Variants in ZNF438 observed in about 807,000 individuals in gnomAD.
ZNF438 encodes zinc finger protein 438.
Under a neutral mutation model 38.0 loss-of-function variants are expected in ZNF438, and 25 were observed. The ratio of observed to expected loss-of-function variants is 0.66; its 90% CI spans 0.48 to 0.92. ZNF438 has a LOEUF of 0.92. ZNF438 is among the 40% of genes least tolerant of loss of function. The pLI, the probability that ZNF438 is intolerant of heterozygous loss-of-function variation, is 0.00. For missense variants in ZNF438, 1,007 were observed against 999.6 expected (o/e 1.01, Z -0.10); for synonymous variants, 372 against 364.1 (o/e 1.02, Z -0.25).
chr10:30,884,715 C>T (rs2039721747), intron 3 of ZNF438, among the ~76,000 whole-genome samples: 1 of 152,088 alleles, frequency 6.6e-6, no homozygotes. Flanking sequence ...AGTTAATAAG[C>T]CATATTTAAA....
At chr10:31,010,473 T>G (rs542649703) in intron 1 of ZNF438, among the ~76,000 whole-genome samples, 1 of 152,326 alleles carries the variant, frequency 6.6e-6, no homozygotes, top group Admixed American at 6.5e-5. Context: ...CCATGGAAAC[T>G]TTAAATTTCT....
rs139439274 is a variant in ZNF438 at position 30,959,191 on chromosome 10, G to C, written c.-191-17540C>G. 1.7e-3 allele frequency among the ~76,000 whole-genome samples: 246 copies of C among 147,154 alleles called. 7 individuals are homozygous for C. Among genetic ancestry groups the C allele is most frequent in the African/African-American group, 5.7e-3 (235 of 41,170 alleles). On this transcript the variant is annotated intron_variant, in intron 1 of 5. Coordinates refer to ENST00000413025, the Ensembl canonical transcript of ZNF438. Reference sequence around the variant, plus strand: ...GTCAAACATTATTCTCGACATTTCTGCAAGAGTAATTTTGGACAAGATCTG... The same window carrying C: ...GTCAAACATTATTCTCGACATTTCTCCAAGAGTAATTTTGGACAAGATCTG...
At position 30,929,093 on chromosome 10, in the gene ZNF438, T is replaced by C. The variant is rs1369175052; in HGVS notation, c.-115+12482A>G. ...CCTTTGTTTTATGCTAAGATTTTAA[T>C]AGAAGAAAGCAGGTGGTGGCCAGGC... On this transcript the variant is annotated intron_variant, in intron 2 of 5. Transcript: ENST00000413025. Among the ~76,000 whole-genome samples the C allele has an allele frequency of 2.6e-5, 4 of 152,344 alleles. No individual in the cohort carries two copies. In the South Asian group the frequency reaches 6.2e-4, roughly 24 times the overall value.
At chr10:30,874,080 TA>T in intron 4 of ZNF438, among the ~76,000 whole-genome samples, 1 of 144,782 alleles carries the variant, frequency 6.9e-6, no homozygotes, top group African/African-American at 2.6e-5. Context: ...ATATATGTAA[TA>T]TATTACGTGT....
At chr10:30,968,390 C>G (rs1436093114) in intron 1 of ZNF438, among the ~76,000 whole-genome samples, 3 of 146,876 alleles carry the variant, frequency 2.0e-5, no homozygotes, top group Admixed American at 2.0e-4. Flanking sequence ...AAAGTTTCTT[C>G]AATATTCTAA....
intron 4 of ZNF438, among the ~76,000 whole-genome samples, chr10:30,852,099 G>T (rs2033750411): frequency 6.6e-6 from 1 of 151,728 alleles, no homozygotes; most frequent in African/African-American, 2.4e-5. Context: ...GGAGGCAGAG[G>T]TTGTAGTGAG....
chr10:30,984,470 C>A (rs1393835679), intron 1 of ZNF438, 44 bp from the exon 2 acceptor site: 1 of 152,040 alleles, frequency 6.6e-6, no homozygotes, highest in Non-Finnish European at 1.5e-5. Flanking sequence ...TCAGATAATC[C>A]ATTTTCATCA....
intron 1 of ZNF438, among the ~76,000 whole-genome samples, chr10:31,013,325 A>C (rs1379403973): frequency 2.6e-5 from 4 of 151,962 alleles, no homozygotes; most frequent in African/African-American, 9.7e-5. Flanking sequence ...TCTCAAAAAA[A>C]AAAAATCCCC....
intron 2 of ZNF438, among the ~76,000 whole-genome samples, chr10:30,916,131 C>T (rs920140106): frequency 1.1e-4 from 17 of 151,946 alleles, no homozygotes; most frequent in African/African-American, 3.9e-4. Flanking sequence ...TCTTCTAATT[C>T]GCTTTTAAGA....
chr10:31,003,452 G>C (rs1030108176), intron 1 of ZNF438, among the ~76,000 whole-genome samples: 2 of 152,086 alleles, frequency 1.3e-5, no homozygotes, highest in African/African-American at 4.8e-5. Context: ...AACATCCCAG[G>C]AAGTTCTGGC....
rs182118378 is a variant in ZNF438 at position 30,973,042 on chromosome 10, C to T, written c.-191-31391G>A. On this transcript the variant is annotated intron_variant, in intron 1 of 5. Transcript: ENST00000413025. ...TTTTTTTTTCCTTCCAGATGCTCAG[C>T]TATGGACTCATTAATATAAAGCAGC... Among the ~76,000 whole-genome samples, 375 of 152,222 alleles carry T rather than the reference C, an allele frequency of 2.5e-3. 1 individual carries two copies. Among genetic ancestry groups the T allele is most frequent in the African/African-American group, 8.5e-3 (352 of 41,536 alleles).
intron 2 of ZNF438, among the ~76,000 whole-genome samples, chr10:30,923,107 G>A (rs913214122): frequency 5.3e-5 from 8 of 152,170 alleles, no homozygotes; most frequent in African/African-American, 1.9e-4. Flanking sequence ...TGGCATAATT[G>A]AATTGTCAGT....
exon 6 of ZNF438, chr10:30,845,553 T>C: frequency 6.2e-7 from 1 of 1,611,824 alleles, no homozygotes; most frequent in African/African-American, 1.3e-5. Context: ...GAAGTCTTCT[T>C]CCAGGTTGGA....
At chr10:30,957,738 T>C (rs763619634) in intron 1 of ZNF438, among the ~76,000 whole-genome samples, 1 of 152,212 alleles carries the variant, frequency 6.6e-6, no homozygotes, top group African/African-American at 2.4e-5. Context: ...CCATGCTGTT[T>C]TGGTTACTAT....
intron 1 of ZNF438, among the ~76,000 whole-genome samples, chr10:31,015,744 T>C (rs920862277): frequency 3.3e-5 from 5 of 152,242 alleles, no homozygotes; most frequent in African/African-American, 1.2e-4. Context: ...TGACATACCA[T>C]GACTGGGACT....
intron 1 of ZNF438, among the ~76,000 whole-genome samples, chr10:30,989,131 TCTTA>T (rs1368241075): frequency 1.3e-5 from 2 of 152,184 alleles, no homozygotes; most frequent in Non-Finnish European, 2.9e-5. Flanking sequence ...CATTACCAAC[TCTTA>T]CTTAAGTATA....
intron 1 of ZNF438, among the ~76,000 whole-genome samples, chr10:31,021,079 C>T (rs1277719593): frequency 7.3e-6 from 1 of 137,386 alleles, no homozygotes; most frequent in Non-Finnish European, 1.5e-5. Flanking sequence ...TTTTTTGAGA[C>T]AGGCTCTCAC....
Position 30,936,703 on chromosome 10 carries a change from A to C in ZNF438, c.-115+4872T>G, listed in dbSNP as rs373275362. On this transcript the variant is annotated intron_variant, in intron 2 of 5. Coordinates refer to ENST00000413025, the Ensembl canonical transcript of ZNF438. ...AAAATGTAATTCATAGGATGTGGAG[A>C]TATTAATAAAACAACAATAAACGTA... 3.3e-5 allele frequency among the ~76,000 whole-genome samples: 5 copies of C among 152,298 alleles called. No individual in the cohort carries two copies. In the East Asian group the frequency reaches 9.6e-4, roughly 29 times the overall value.
At chr10:30,867,572 C>G (rs2036666813) in intron 4 of ZNF438, among the ~76,000 whole-genome samples, 1 of 152,242 alleles carries the variant, frequency 6.6e-6, no homozygotes, top group Admixed American at 6.5e-5. Context: ...GTAAAGGGTC[C>G]TGAAGCTACA....
Sources: gnomAD v4.1 joint callset for allele counts (sites outside exome capture counted in the v4.1 genomes callset) on GRCh38, gnomAD v4.1.1 for gene constraint, MANE v1.5 for transcripts, NCBI Gene and HGNC (gene_info 2026-07-23, HGNC 2026-07-21) for gene names.